Variants in SATB2 observed in about 807,000 individuals in gnomAD.
SATB2 encodes DNA-binding protein SATB2.
SATB2 carries 1 observed loss-of-function variant against 73.4 expected under a neutral mutation model. The ratio of observed to expected loss-of-function variants is 0.01; its 90% CI spans 0.00 to 0.06. The LOEUF (loss-of-function observed/expected upper bound fraction) is 0.06. Among genes scored for constraint, SATB2 ranks in the 10% least tolerant of loss-of-function variants. SATB2 has a pLI of 1.00. For missense variants in SATB2, 459 were observed against 945.8 expected, an observed-to-expected ratio of 0.49 and a Z score of 6.75; for synonymous variants, 397 against 367.0, an observed-to-expected ratio of 1.08 and a Z score of -0.93.
chr2:199,407,288 C>CAAAA (rs34954916), intron 3 of SATB2, among the ~76,000 whole-genome samples: 1 of 77,522 alleles, frequency 1.3e-5, no homozygotes, highest in Non-Finnish European at 2.7e-5. Flanking sequence ...TCTTGTCTCC[C>CAAAA]AAAAAAAAAA....
intron 3 of SATB2, among the ~76,000 whole-genome samples, chr2:199,428,154 G>A (rs1479844988): frequency 6.6e-6 from 1 of 152,034 alleles, no homozygotes; most frequent in Non-Finnish European, 1.5e-5. Flanking sequence ...ACTCATTTTG[G>A]TCACATAAGC....
At chr2:199,318,315 A>T (rs1035095985) in intron 9 of SATB2, among the ~76,000 whole-genome samples, 2 of 152,068 alleles carry the variant, frequency 1.3e-5, no homozygotes, top group South Asian at 4.1e-4. Flanking sequence ...ATAATATAAG[A>T]TCAACATTAA....
At chr2:199,293,828 T>C (rs1349469996) in intron 10 of SATB2, among the ~76,000 whole-genome samples, 1 of 152,040 alleles carries the variant, frequency 6.6e-6, no homozygotes, top group African/African-American at 2.4e-5. Flanking sequence ...CCTTTCAGCC[T>C]GTCTTTAGCT....
At chr2:199,341,007 G>A (rs1020800228) in intron 7 of SATB2, among the ~76,000 whole-genome samples, 2 of 152,170 alleles carry the variant, frequency 1.3e-5, no homozygotes, top group African/African-American at 4.8e-5. Context: ...CATATTTTAT[G>A]AAATCATGCT....
chr2:199,379,999 T>C (rs903569399), intron 5 of SATB2, among the ~76,000 whole-genome samples: 1 of 152,002 alleles, frequency 6.6e-6, no homozygotes, highest in Non-Finnish European at 1.5e-5. Flanking sequence ...TCCTCCCAGC[T>C]CAGCCTCCTG....
intron 3 of SATB2, among the ~76,000 whole-genome samples, chr2:199,421,891 T>C (rs768184007): frequency 1.7e-4 from 26 of 152,210 alleles, no homozygotes; most frequent in Non-Finnish European, 1.5e-5. Flanking sequence ...AAAATAAATT[T>C]ATTTTCAAAG....
chr2:199,456,384 C>T (rs932291400), intron 1 of SATB2, among the ~76,000 whole-genome samples: 1 of 152,358 alleles, frequency 6.6e-6, no homozygotes, highest in African/African-American at 2.4e-5. Context: ...TAGAAGTGGT[C>T]CATTCATTGG....
chr2:199,286,129 T>C (rs1692680717), intron 10 of SATB2, among the ~76,000 whole-genome samples: 1 of 57,968 alleles, frequency 1.7e-5, no homozygotes. Flanking sequence ...TTTGGTATAG[T>C]TTGGGGAAAA....
At chr2:199,291,496 C>T (rs1692858674) in intron 10 of SATB2, among the ~76,000 whole-genome samples, 1 of 152,116 alleles carries the variant, frequency 6.6e-6, no homozygotes, top group Non-Finnish European at 1.5e-5. Context: ...GGGTACAGTG[C>T]TTTTAAGACA....
At chr2:199,469,415 G>C (rs1449484826), upstream of SATB2, among the ~76,000 whole-genome samples, 5 of 152,092 alleles carry the variant, frequency 3.3e-5, no homozygotes, top group Non-Finnish European at 5.9e-5. Flanking sequence ...GCCCCCCGGC[G>C]GTTCCTAAAT....
At chr2:199,437,991 T>A (rs889584163) in intron 2 of SATB2, among the ~76,000 whole-genome samples, 1 of 152,186 alleles carries the variant, frequency 6.6e-6, no homozygotes, top group African/African-American at 2.4e-5. Flanking sequence ...AAACTACCTG[T>A]CCATCACAGT....
chr2:199,420,886 T>C (rs1408515782), intron 3 of SATB2, among the ~76,000 whole-genome samples: 1 of 152,144 alleles, frequency 6.6e-6, no homozygotes, highest in Non-Finnish European at 1.5e-5. Flanking sequence ...AATATTTCTT[T>C]CACATAAATT....
chr2:199,448,805 C>A (rs893376043), intron 2 of SATB2, among the ~76,000 whole-genome samples: 1 of 151,992 alleles, frequency 6.6e-6, no homozygotes, highest in Non-Finnish European at 1.5e-5. Flanking sequence ...ATTTTTTGAT[C>A]TTTTTTGTTA....
chr2:199,432,691 C>A (rs1170004151), intron 3 of SATB2, among the ~76,000 whole-genome samples: 1 of 151,382 alleles, frequency 6.6e-6, no homozygotes, highest in Non-Finnish European at 1.5e-5. Flanking sequence ...TTTGTCAATT[C>A]TTTGGCATGA....
chr2:199,435,322 C>T, intron 2 of SATB2, among the ~76,000 whole-genome samples: 2 of 151,704 alleles, frequency 1.3e-5, no homozygotes, highest in Non-Finnish European at 2.9e-5. Flanking sequence ...ATATATAGGA[C>T]ATGTAGCGAA....
At chr2:199,379,767 A>G (rs1359382642) in intron 5 of SATB2, among the ~76,000 whole-genome samples, 1 of 148,166 alleles carries the variant, frequency 6.7e-6, no homozygotes, top group Non-Finnish European at 1.5e-5. Context: ...GGCTCAAGGA[A>G]TCCTCTGGCC....
intron 3 of SATB2, among the ~76,000 whole-genome samples, chr2:199,392,419 A>G (rs1690173702): frequency 6.6e-6 from 1 of 152,084 alleles, no homozygotes; most frequent in African/African-American, 2.4e-5. Context: ...TACCCAGGAA[A>G]AAAAAAAATA....
chr2:199,383,536 T>C (rs576671365), intron 3 of SATB2, among the ~76,000 whole-genome samples: 1 of 152,334 alleles, frequency 6.6e-6, no homozygotes, highest in Non-Finnish European at 1.5e-5. Flanking sequence ...CACCCATAAG[T>C]TGAATATAAA....
chr2:199,410,177 C>G (rs1690769637), intron 3 of SATB2, among the ~76,000 whole-genome samples: 1 of 152,166 alleles, frequency 6.6e-6, no homozygotes, highest in Non-Finnish European at 1.5e-5. Flanking sequence ...ATATCGGGCA[C>G]AGATTCTTCT....
Sources: gnomAD v4.1 joint callset for allele counts (sites outside exome capture counted in the v4.1 genomes callset) on GRCh38, gnomAD v4.1.1 for gene constraint, MANE v1.5 for transcripts, NCBI Gene and HGNC (gene_info 2026-07-23, HGNC 2026-07-21) for gene names.